The following SAMSN1 variants were observed in gnomAD, a reference collection of about 807,000 sequenced individuals.
SAMSN1 encodes SAM domain, SH3 domain and nuclear localization signals 1.
SAMSN1 carries 31 observed loss-of-function variants against 42.0 expected under a neutral mutation model. The observed-to-expected ratio is 0.74, with a 90% confidence interval of 0.55 to 1.00. SAMSN1 has a LOEUF of 1.00. SAMSN1 is among the 50% of genes least tolerant of loss of function. The pLI, the probability that SAMSN1 is intolerant of heterozygous loss-of-function variation, is 0.00. For missense variants in SAMSN1, 464 were observed against 439.4 expected (o/e 1.06, Z -0.50); for synonymous variants, 178 against 151.9 (o/e 1.17, Z -1.26).
intron 2 of SAMSN1, among the ~76,000 whole-genome samples, chr21:14,561,974 A>G (rs1369689847): frequency 6.6e-6 from 1 of 152,016 alleles, no homozygotes; most frequent in Non-Finnish European, 1.5e-5. Flanking sequence ...CCCTGCCAAT[A>G]CCTTGATTTT....
chr21:14,577,257 TATATATATATATATATATA>T (rs1981515777), intron 2 of SAMSN1, among the ~76,000 whole-genome samples: 2 of 42,960 alleles, frequency 4.7e-5, no homozygotes, highest in African/African-American at 2.6e-4. Flanking sequence ...TATATATATA[TATATATATATATATATATA>T]TATATATATT....
At chr21:14,547,321 A>T (rs1042778630), upstream of SAMSN1, among the ~76,000 whole-genome samples, 6 of 152,206 alleles carry the variant, frequency 3.9e-5, no homozygotes, top group African/African-American at 1.2e-4. Context: ...CAATGGATCA[A>T]CGGTTTCTTC....
intron 6 of SAMSN1, chr21:14,594,221 C>T (rs968329160): frequency 1.7e-6 from 1 of 588,578 alleles, no homozygotes; most frequent in African/African-American, 1.9e-5. Context: ...TATCAAAGTA[C>T]ACTGATTAAT....
At chr21:14,574,181 C>A (rs921614898) in intron 2 of SAMSN1, among the ~76,000 whole-genome samples, 4 of 152,138 alleles carry the variant, frequency 2.6e-5, no homozygotes, top group Non-Finnish European at 5.9e-5. Flanking sequence ...GGCTAATAAG[C>A]ATATTGGGCC....
In SAMSN1 at chr21:14,576,058, A is replaced by G. The variant is rs551873549; in HGVS notation, c.261+6078T>C. Among the ~76,000 whole-genome samples, 146 of 152,302 alleles carry G rather than the reference A, an allele frequency of 9.6e-4. 1 individual carries two copies. Among genetic ancestry groups the G allele is most frequent in the Middle Eastern group, 3.4e-3 (1 of 294 alleles). On this transcript the variant is annotated intron_variant, in intron 2 of 8. Transcript: ENST00000285670. ...TCATTGTGCTTGATGAAAGGATGAT[A>G]CTCACTTTGTCTGCAGTAAAGAGTG...
intron 2 of SAMSN1, among the ~76,000 whole-genome samples, chr21:14,620,345 T>C (rs1982969174): frequency 6.6e-6 from 1 of 151,898 alleles, no homozygotes. Flanking sequence ...GATGTGATGG[T>C]TTCATAAGTG....
intron 2 of SAMSN1, among the ~76,000 whole-genome samples, chr21:14,581,344 CTTTTTTTTTTTTTTTTT>C (rs56728511): frequency 1.8e-4 from 6 of 32,588 alleles, no homozygotes; most frequent in Non-Finnish European, 2.2e-4. Context: ...AATAATATTT[CTTTTTTTTTTTTTTTTT>C]TTTTTTTTTT....
chr21:14,612,914 C>G lies in SAMSN1; in HGVS notation c.198-1G>C, dbSNP rs749610651. The G allele has an allele frequency of 3.4e-5, 24 of 701,238 alleles. 1 individual carries two copies. In the South Asian group the frequency reaches 3.5e-4, roughly 10 times the overall value. The allele number at this position is 701,238 out of a possible 1,614,324, so 43.4% of individuals were successfully genotyped here. Reference sequence around the variant, plus strand: ...TTCAGACATAAATCTCCGGAATAACCTGGAAGAATAAAAGAAAAAGATATT... The same window carrying G: ...TTCAGACATAAATCTCCGGAATAACGTGGAAGAATAAAAGAAAAAGATATT... On this transcript the variant is annotated splice_acceptor_variant, in intron 3 of 15. Coordinates refer to the SAMSN1 transcript ENST00000647101. LOFTEE classifies it high-confidence loss of function.
At chr21:14,500,837 G>A (rs1600865164) in intron 5 of SAMSN1, 102 bp from the exon 6 acceptor site, 1 of 892,632 alleles carries the variant, frequency 1.1e-6, no homozygotes, top group East Asian at 2.4e-5. Context: ...TATGCTAAAG[G>A]GGTTCAGATA....
At position 14,609,542 on chromosome 21, in the gene SAMSN1, A is replaced by T. The variant is rs1982652465; in HGVS notation, c.262T>A (p.Trp88Arg). The T allele has an allele frequency of 8.4e-6, 6 of 718,044 alleles. No homozygotes were observed. In the East Asian group the frequency reaches 1.6e-4, roughly 19 times the overall value. 44.5% of individuals were successfully genotyped at this position (718,044 alleles called of 1,614,324 possible). Residue 88 changes from tryptophan (W) to arginine (R), a missense_variant, in exon 5 of 16, where the codon TGG becomes AGG. Transcript: ENST00000647101. ...TTCTTATGCTTGCTGTGTTCCTGCC[A>T]GATTTTGTCATTCACAGTTTTTCCT...
Position 14,532,901 on chromosome 21 carries a change from A to ATTAT in SAMSN1, c.58-11684_58-11681dup, listed in dbSNP as rs150980572. Among the ~76,000 whole-genome samples, 179 of 151,430 alleles carry ATTAT rather than the reference A, an allele frequency of 1.2e-3. 2 individuals are homozygous for ATTAT. Among genetic ancestry groups the ATTAT allele is most frequent in the South Asian group, 2.9e-3 (14 of 4,818 alleles). On this transcript the variant is annotated intron_variant, in intron 1 of 7. Coordinates refer to ENST00000400566, the MANE Select transcript of SAMSN1 (RefSeq NM_022136.5). ...ACATATTTAATATTTTATTACTTTT[A>ATTAT]TTATTTATTTATTTATTTATTTATT...
At chr21:14,582,580 T>A in intron 1 of SAMSN1, 1 of 522,664 alleles carries the variant, frequency 1.9e-6, no homozygotes, top group Non-Finnish European at 3.4e-6. Context: ...ATAAATACAC[T>A]GCAATGGATA....
At chr21:14,568,794 G>A (rs1259203287) in intron 2 of SAMSN1, among the ~76,000 whole-genome samples, 1 of 152,184 alleles carries the variant, frequency 6.6e-6, no homozygotes, top group East Asian at 1.9e-4. Context: ...AGGGAATCTA[G>A]TGTCTTAAAT....
At chr21:14,595,503 A>G (rs1982233400) in intron 6 of SAMSN1, among the ~76,000 whole-genome samples, 2 of 152,162 alleles carry the variant, frequency 1.3e-5, no homozygotes, top group Non-Finnish European at 2.9e-5. Flanking sequence ...TTCAAATTTT[A>G]TTCTGAGGAG....
At chr21:14,555,502 C>A (rs1309277752) in intron 2 of SAMSN1, among the ~76,000 whole-genome samples, 1 of 152,130 alleles carries the variant, frequency 6.6e-6, no homozygotes, top group Non-Finnish European at 1.5e-5. Context: ...CCTGTCAATA[C>A]CACCCCTACC....
chr21:14,631,116 C>T (rs939408172), intron 2 of SAMSN1, among the ~76,000 whole-genome samples: 1 of 152,152 alleles, frequency 6.6e-6, no homozygotes, highest in African/African-American at 2.4e-5. Flanking sequence ...ATCTTAAACA[C>T]CTCTCTTTCA....
chr21:14,485,305 A>T lies in SAMSN1; in HGVS notation c.*607T>A, dbSNP rs1224968385. 1.3e-5 allele frequency: 2 copies of T among 152,260 alleles called. No individual in the cohort carries two copies. Among genetic ancestry groups the T allele is most frequent in the African/African-American group, 4.8e-5 (2 of 41,456 alleles). The allele number at this position is 152,260 out of a possible 1,614,324, so 9.4% of individuals were successfully genotyped here. Reference sequence around the variant, plus strand: ...TAAAATATTTACACTTAAAGACAAAACATTTCCACAATTATTACAATTGGT... The same window carrying T: ...TAAAATATTTACACTTAAAGACAAATCATTTCCACAATTATTACAATTGGT... On this transcript the variant is annotated 3_prime_UTR_variant, in exon 8 of 8. Coordinates refer to ENST00000400566, the MANE Select transcript of SAMSN1 (RefSeq NM_022136.5).
chr21:14,551,761 A>G (rs1271903034), intron 2 of SAMSN1, among the ~76,000 whole-genome samples: 1 of 152,112 alleles, frequency 6.6e-6, no homozygotes, highest in African/African-American at 2.4e-5. Flanking sequence ...TATTTTCAAT[A>G]TAATCTTCAC....
At chr21:14,538,090 TGAA>T (rs1268373601) in intron 1 of SAMSN1, among the ~76,000 whole-genome samples, 12 of 152,238 alleles carry the variant, frequency 7.9e-5, no homozygotes, top group Non-Finnish European at 1.8e-4. Flanking sequence ...AACACAAAAA[TGAA>T]GACAACCTTT....
Sources: gnomAD v4.1 joint callset for allele counts (sites outside exome capture counted in the v4.1 genomes callset) on GRCh38, gnomAD v4.1.1 for gene constraint, MANE v1.5 for transcripts, NCBI Gene and HGNC (gene_info 2026-07-23, HGNC 2026-07-21) for gene names.